PCDHGA9: variants seen among roughly 807,000 people sequenced by gnomAD.
The protein encoded by PCDHGA9 is protocadherin gamma subfamily A, 9.
Under a neutral mutation model 62.5 loss-of-function variants are expected in PCDHGA9, and 37 were observed. That is an observed-to-expected ratio of 0.59 (90% CI 0.46 to 0.78). The LOEUF is 0.78. PCDHGA9 is among the 30% of genes least tolerant of loss of function. The pLI is 0.00. For synonymous variants in PCDHGA9, 459 were observed against 484.6 expected (o/e 0.95, Z 0.69); for missense variants, 1,138 against 1,166.2 (o/e 0.98, Z 0.35).
Position 141,415,576 on chromosome 5 carries a change from T to C in PCDHGA9, c.2424+10200T>C, listed in dbSNP as rs182127695. 9.5e-5 allele frequency: 153 copies of C among 1,614,182 alleles called. No individual in the cohort carries two copies. The Admixed American group carries it at 1.6e-3, about 17-fold the overall frequency. Reference sequence around the variant, plus strand: ...CGATCCTTTGTCTTTGTTAGATGATTCGAAGTTTCCTATAGAGGATACCCC... The same window carrying C: ...CGATCCTTTGTCTTTGTTAGATGATCCGAAGTTTCCTATAGAGGATACCCC... On this transcript the variant is annotated intron_variant, in intron 1 of 3. Transcript: ENST00000573521.
rs185280755 is a variant in PCDHGA9 at position 141,476,824 on chromosome 5, C to T, written c.2425-17983C>T. Reference sequence around the variant, plus strand: ...TGCCTATTCACATCAAGGTGCTGGACGCGAATGACAATGCGCCTGTCTTCA... The same window carrying T: ...TGCCTATTCACATCAAGGTGCTGGATGCGAATGACAATGCGCCTGTCTTCA... On this transcript the variant is annotated intron_variant, in intron 1 of 3. Transcript: ENST00000573521. This position sits in a 1 kb window ranked among gnomAD's most constrained non-coding sequence, Gnocchi z 7.6. 24 of 1,613,588 alleles carry T rather than the reference C, an allele frequency of 1.5e-5. No homozygotes were observed. The East Asian group carries it at 4.5e-4, about 30-fold the overall frequency.
intron 1 of PCDHGA9, among the ~76,000 whole-genome samples, chr5:141,453,061 T>G (rs1351911724): frequency 6.6e-6 from 1 of 152,102 alleles, no homozygotes; most frequent in Non-Finnish European, 1.5e-5. Context: ...AGTTTTAGAG[T>G]TTTGCCACAC....
rs1317717658 is a variant in PCDHGA9, at chr5:141,476,494, G to A, written c.2425-18313G>A. On this transcript the variant is annotated intron_variant, in intron 1 of 3. Coordinates refer to ENST00000573521, the MANE Select transcript of PCDHGA9 (RefSeq NM_018921.3). The surrounding 1 kb of genome is among the most constrained non-coding windows in gnomAD (Gnocchi z 7.6). ...TGTTCAGCGTGGAAGTGGTGATCCA[G>A]GACATCAACGACAACAATCCTGCTT... The A allele has an allele frequency of 6.2e-7, 1 of 1,614,012 alleles. No individual in the cohort carries two copies. The highest frequency in any genetic ancestry group is 8.5e-7 in the Non-Finnish European group (1 of 1,179,988).
chr5:141,489,800 A>G lies in PCDHGA9; in HGVS notation c.2425-5007A>G. 6.2e-7 allele frequency: 1 copy of G among 1,614,166 alleles called. No homozygotes were observed. Among genetic ancestry groups the G allele is most frequent in the Non-Finnish European group, 8.5e-7 (1 of 1,179,994 alleles). On this transcript the variant is annotated intron_variant, in intron 1 of 3. Coordinates refer to ENST00000573521, the MANE Select transcript of PCDHGA9 (RefSeq NM_018921.3). This position sits in a 1 kb window ranked among gnomAD's most constrained non-coding sequence, Gnocchi z 4.5. ...TCTCTGAATGTGAAGACCCTAAAAG[A>G]TGGGAAGCCATTCCCAGAGCTGGTG...
chr5:141,451,037 C>T (rs1293972996), intron 1 of PCDHGA9, among the ~76,000 whole-genome samples: 1 of 151,594 alleles, frequency 6.6e-6, no homozygotes, highest in Middle Eastern at 3.2e-3. Context: ...ACCATATTGG[C>T]CAGGCTGGTC....
chr5:141,431,194 T>C lies in PCDHGA9; in HGVS notation c.2424+25818T>C. On this transcript the variant is annotated intron_variant, in intron 1 of 3. Coordinates refer to ENST00000573521, the MANE Select transcript of PCDHGA9 (RefSeq NM_018921.3). The surrounding 1 kb of genome is among the most constrained non-coding windows in gnomAD (Gnocchi z 4.8). ...AATTAGAAATAAAAATTAGTGAAAA[T>C]GCAGCCACTGAGATGCGGTTCCCTC... The C allele has an allele frequency of 6.2e-7, 1 of 1,614,124 alleles. No homozygotes were observed.
chr5:141,422,226 G>A (rs766346054), intron 1 of PCDHGA9: 1 of 1,565,844 alleles, frequency 6.4e-7, no homozygotes, highest in East Asian at 2.2e-5. Flanking sequence ...CCACCACGAC[G>A]ATGTTGATCA....
At chr5:141,453,430 C>A (rs1043851647) in intron 1 of PCDHGA9, among the ~76,000 whole-genome samples, 1 of 152,018 alleles carries the variant, frequency 6.6e-6, no homozygotes, top group Non-Finnish European at 1.5e-5. Flanking sequence ...CCACACCTAG[C>A]CTAGTATTCT....
chr5:141,460,951 GTA>G (rs200454978), intron 1 of PCDHGA9, among the ~76,000 whole-genome samples: 208 of 139,744 alleles, frequency 1.5e-3, no homozygotes, highest in South Asian at 4.3e-3. Flanking sequence ...TATGTATTAT[GTA>G]TATATATATG....
intron 1 of PCDHGA9, chr5:141,414,666 A>G (rs1243321329): frequency 6.2e-7 from 1 of 1,614,002 alleles, no homozygotes; most frequent in Admixed American, 1.7e-5. Context: ...CCCTGGCTGA[A>G]GACACCATCC....
At position 141,404,361 on chromosome 5, in the gene PCDHGA9, C is replaced by A; in HGVS notation, c.1409C>A (p.Ser470Tyr). Residue 470 changes from serine to tyrosine, a missense_variant, in exon 1 of 4, where the codon TCC becomes TAC. Transcript: ENST00000573521. ...YLPENNARGT[S>Y]IFSVIAYDPD... ...CCGGAAAACAACGCCAGAGGTACTT[C>A]CATCTTCTCCGTGATTGCCTATGAC... 1.9e-6 allele frequency: 3 copies of A among 1,613,956 alleles called. No individual in the cohort carries two copies. The highest frequency in any genetic ancestry group is 2.5e-6 in the Non-Finnish European group (3 of 1,179,866).
chr5:141,410,849 C>CTTTTTTTTTTT lies in PCDHGA9; in HGVS notation c.2424+5485_2424+5495dup, dbSNP rs759346998. On this transcript the variant is annotated intron_variant, in intron 1 of 3. Coordinates refer to ENST00000573521, the MANE Select transcript of PCDHGA9 (RefSeq NM_018921.3). ...CAGACTGAAGATATTTTGTCTTTGT[C>CTTTTTTTTTTT]TTTTTTTTTTTTTTTTTTTTTTGAG... 217 of 138,154 alleles carry CTTTTTTTTTTT rather than the reference C, an allele frequency of 1.6e-3. 10 individuals carry two copies. The highest frequency in any genetic ancestry group is 4.0e-3 in the African/African-American group (66 of 16,622). The allele number at this position is 138,154 out of a possible 1,614,324, so 8.6% of individuals were successfully genotyped here.
intron 1 of PCDHGA9, among the ~76,000 whole-genome samples, chr5:141,464,263 T>TA (rs35224477): frequency 7.1e-4 from 74 of 103,538 alleles, no homozygotes; most frequent in East Asian, 1.9e-3. Flanking sequence ...AGACTCCGTC[T>TA]AAAAAAAAAA....
chr5:141,478,040 C>G (rs773058963), intron 1 of PCDHGA9: 1 of 1,614,160 alleles, frequency 6.2e-7, no homozygotes, highest in Non-Finnish European at 8.5e-7. Context: ...TTCACCCAGG[C>G]AGACTCTCAC....
chr5:141,419,651 TC>T, intron 1 of PCDHGA9: 28 of 1,612,632 alleles, frequency 1.7e-5, no homozygotes, highest in Non-Finnish European at 2.3e-5. Flanking sequence ...GGACGCGGAC[TC>T]GGGGCACAAT....
chr5:141,460,092 T>C (rs186695697), intron 1 of PCDHGA9, among the ~76,000 whole-genome samples: 37 of 152,056 alleles, frequency 2.4e-4, no homozygotes, highest in Admixed American at 9.8e-4. Context: ...ATAATAATTA[T>C]ACATGTAATT....
At chr5:141,420,483 T>C in intron 1 of PCDHGA9, 2 of 581,364 alleles carry the variant, frequency 3.4e-6, no homozygotes, top group Non-Finnish European at 5.2e-6. Context: ...GCAAACTACA[T>C]GGGTAATCTC....
At chr5:141,421,651 A>G in intron 1 of PCDHGA9, 1 of 1,613,868 alleles carries the variant, frequency 6.2e-7, no homozygotes, top group Non-Finnish European at 8.5e-7. Flanking sequence ...AGTGGAGATA[A>G]AAGTCAGTGA....
At chr5:141,421,633 G>A (rs1369645749) in intron 1 of PCDHGA9, 3 of 1,613,834 alleles carry the variant, frequency 1.9e-6, no homozygotes, top group Non-Finnish European at 2.5e-6. Context: ...CAGCTTCCAG[G>A]AGGACGAAGT....
Sources: gnomAD v4.1 joint callset for allele counts (sites outside exome capture counted in the v4.1 genomes callset) on GRCh38, gnomAD v4.1.1 for gene constraint, Gnocchi (gnomAD v3.1) non-coding constraint, MANE v1.5 for transcripts, NCBI Gene and HGNC (gene_info 2026-07-23, HGNC 2026-07-21) for gene names.